Variants in PRCD observed in about 807,000 individuals in gnomAD.
PRCD encodes photoreceptor disk component PRCD.
PRCD carries 12 observed loss-of-function variants against 10.1 expected under a neutral mutation model. The observed-to-expected ratio is 1.18, with a 90% confidence interval of 0.76 to 1.92. The LOEUF (loss-of-function observed/expected upper bound fraction) is 1.92, where lower values mean the gene tolerates loss of function less well. Ranked by LOEUF, PRCD falls within the 40% of genes most tolerant of loss-of-function variation. The pLI is 0.00. For synonymous variants in PRCD, 31 were observed against 26.2 expected (o/e 1.18, Z -0.56); for missense variants, 61 against 72.2 (o/e 0.84, Z 0.56).
upstream of PRCD, chr17:76,537,683 G>T: frequency 2.7e-6 from 2 of 751,982 alleles, no homozygotes; most frequent in Non-Finnish European, 3.2e-6. Flanking sequence ...GAGGGAGCGT[G>T]TGTCTGTGCG....
At position 76,531,778 on chromosome 17, in the gene PRCD, G is replaced by A. The variant is rs1001193039; in HGVS notation, n.45+3945G>A. On this transcript the variant is annotated intron_variant and non_coding_transcript_variant, in intron 1 of 4. Transcript: ENST00000397633. The surrounding 1 kb of genome is among the most constrained non-coding windows in gnomAD (Gnocchi z 7.4). ...TTCCAGGATAGTGGGGGCTGAAGAA[G>A]TGGACCGCAGTGCTCCCCACCCCCG... 5.5e-5 allele frequency: 59 copies of A among 1,078,174 alleles called. No individual in the cohort carries two copies. In the South Asian group the frequency reaches 8.9e-4, roughly 16 times the overall value. The allele number at this position is 1,078,174 out of a possible 1,614,324, so 66.8% of individuals were successfully genotyped here.
At chr17:76,546,765 T>C (rs1442649474), downstream of PRCD, 5 of 152,222 alleles carry the variant, frequency 3.3e-5, no homozygotes, top group African/African-American at 9.7e-5. The surrounding 1 kb of genome is among the most constrained non-coding windows in gnomAD (Gnocchi z 4.5). Context: ...CTAACATGCA[T>C]TGGGCGCTTA....
Position 76,540,690 on chromosome 17 carries a change from C to A in PRCD, c.143+117C>A. The A allele has an allele frequency of 9.6e-7, 1 of 1,040,260 alleles. No homozygotes were observed. Among genetic ancestry groups the A allele is most frequent in the Non-Finnish European group, 1.5e-6 (1 of 681,478 alleles). 64.4% of individuals were successfully genotyped at this position (1,040,260 alleles called of 1,614,324 possible). A position where few individuals can be genotyped will look rare whatever the true frequency, so the allele number is the denominator to read the frequency against. ...GCCTGTGCGTGCACCGTATCCTGGC[C>A]CTTGCCCTAAGCACCCTGCTCCCTG... On this transcript the variant is annotated intron_variant, in intron 2 of 4. Coordinates refer to ENST00000592014, the MANE Select transcript of PRCD (RefSeq NM_001077620.3). The surrounding 1 kb of genome is among the most constrained non-coding windows in gnomAD (Gnocchi z 5.0).
At chr17:76,538,510 A>C (rs528381608), upstream of PRCD, 1,432 of 467,148 alleles carry the variant, frequency 3.1e-3, 3 homozygotes, top group Non-Finnish European at 5.0e-3. Context: ...ACGGACAGGC[A>C]AGAACCAGCC....
intron 1 of PRCD, among the ~76,000 whole-genome samples, chr17:76,532,620 C>T (rs1490737475): frequency 6.6e-6 from 1 of 151,638 alleles, no homozygotes; most frequent in African/African-American, 2.4e-5. Flanking sequence ...CAACCTCTGC[C>T]TCCTGGGTTC....
chr17:76,528,748 G>A lies in PRCD; in HGVS notation n.45+915G>A, dbSNP rs543166692. On this transcript the variant is annotated intron_variant and non_coding_transcript_variant, in intron 1 of 4. Coordinates refer to the PRCD transcript ENST00000397633. This position sits in a 1 kb window ranked among gnomAD's most constrained non-coding sequence, Gnocchi z 5.8. ...CGGCACAGTGCAGTTGAAAGCAACC[G>A]TGAGACCCAAGTTCTAGTCTCCGTC... The A allele has an allele frequency of 8.0e-5, 83 of 1,037,198 alleles. No individual in the cohort carries two copies. The highest frequency in any genetic ancestry group is 2.1e-4 in the Admixed American group (5 of 23,462). The allele number at this position is 1,037,198 out of a possible 1,614,324, so 64.2% of individuals were successfully genotyped here.
chr17:76,537,282 G>T, upstream of PRCD: 1 of 1,193,680 alleles, frequency 8.4e-7, no homozygotes, highest in Non-Finnish European at 1.1e-6. Flanking sequence ...ACCTCGGACC[G>T]GCCCCATTCG....
chr17:76,548,156 C>T (rs56024043), downstream of PRCD, among the ~76,000 whole-genome samples: 50,938 of 151,916 alleles, frequency 0.34, 10,572 homozygotes, highest in African/African-American at 0.59. Context: ...TACACATTCA[C>T]ACATACACAC....
intron 1 of PRCD, chr17:76,529,044 G>GCCCCCCCCCCCC (rs34648121): frequency 1.3e-6 from 1 of 779,744 alleles, no homozygotes; most frequent in African/African-American, 2.3e-5. Context: ...CAGTCATTGC[G>GCCCCCCCCCCCC]CCCCCCCCCC....
upstream of PRCD, among the ~76,000 whole-genome samples, chr17:76,536,742 T>C (rs758006708): frequency 1.1e-4 from 16 of 152,030 alleles, no homozygotes; most frequent in Non-Finnish European, 1.5e-4. Context: ...TCCTGAAGCT[T>C]CTCTCTTCTT....
chr17:76,529,041 T>TGGGGGG, intron 1 of PRCD: 2 of 834,206 alleles, frequency 2.4e-6, no homozygotes, highest in Non-Finnish European at 2.7e-6. Context: ...CTGCAGTCAT[T>TGGGGGG]GCGCCCCCCC....
At chr17:76,542,427 C>T (rs2075002501) in intron 2 of PRCD, 126 bp from the exon 3 acceptor site, 1 of 1,095,118 alleles carries the variant, frequency 9.1e-7, no homozygotes. Context: ...CAACTGATTC[C>T]TTAGGTGGTC....
downstream of PRCD, chr17:76,545,444 G>A (rs2075045261): frequency 2.2e-6 from 1 of 451,292 alleles, no homozygotes; most frequent in Non-Finnish European, 4.5e-6. Flanking sequence ...ATGGGAGCAG[G>A]AGTGCTCAGG....
In PRCD at chr17:76,543,060, G is replaced by A. The variant is rs754238529; in HGVS notation, c.*91G>A. On this transcript the variant is annotated 3_prime_UTR_variant, in exon 4 of 5. Transcript: ENST00000592014. ...TCCTGGTTCGTCCCCTAGCCCAGGAGGATGCTGTGGGAGCTGCAGCAGCGG... is the reference window on the plus strand; with the variant it reads ...TCCTGGTTCGTCCCCTAGCCCAGGAAGATGCTGTGGGAGCTGCAGCAGCGG... 2.1e-6 allele frequency: 1 copy of A among 472,140 alleles called. No individual in the cohort carries two copies. Among genetic ancestry groups the A allele is most frequent in the Admixed American group, 2.3e-5 (1 of 42,610 alleles). The allele number at this position is 472,140 out of a possible 1,614,324, so 29.2% of individuals were successfully genotyped here. A position where few individuals can be genotyped will look rare whatever the true frequency, so the allele number is the denominator to read the frequency against.
In PRCD at chr17:76,545,373, T is replaced by C. The variant is rs1291374310; in HGVS notation, c.*1723T>C. 4.4e-6 allele frequency: 2 copies of C among 456,568 alleles called. No homozygotes were observed. The highest frequency in any genetic ancestry group is 2.3e-5 in the Admixed American group (1 of 42,560). 28.3% of individuals were successfully genotyped at this position (456,568 alleles called of 1,614,324 possible). A position where few individuals can be genotyped will look rare whatever the true frequency, so the allele number is the denominator to read the frequency against. ...GGGAATTAAATCCTGACTATGACAC[T>C]GTCCCCACTGAGGCTGAGTCCTTTT... On this transcript the variant is annotated 3_prime_UTR_variant, in exon 5 of 5. Coordinates refer to ENST00000592014, the MANE Select transcript of PRCD (RefSeq NM_001077620.3).
rs574031274 is a variant in PRCD, at chr17:76,529,074, G to A, written n.45+1241G>A. ...CCCCCCACCCCCCACCCACGCAAAG[G>A]CGCACACCCTGGAGCAGAGACGGCT... On this transcript the variant is annotated intron_variant and non_coding_transcript_variant, in intron 1 of 4. Transcript: ENST00000397633. 562 of 943,576 alleles carry A rather than the reference G, an allele frequency of 6.0e-4. No homozygotes were observed. The African/African-American group carries it at 0.01, about 17-fold the overall frequency. 58.5% of individuals were successfully genotyped at this position (943,576 alleles called of 1,614,324 possible).
Position 76,542,944 on chromosome 17 carries a change from G to A in PRCD, c.*60-85G>A, listed in dbSNP as rs549742285. ...GTCGGAGGACGCCCAAGGGAGAGGC[G>A]GTGCTCGGAAACATCCACTCTGAAA... On this transcript the variant is annotated intron_variant, in intron 3 of 4. Transcript: ENST00000592014. 3.0e-5 allele frequency: 16 copies of A among 529,794 alleles called. No homozygotes were observed. In the East Asian group the frequency reaches 6.7e-4, roughly 22 times the overall value. 32.8% of individuals were successfully genotyped at this position (529,794 alleles called of 1,614,324 possible).
At chr17:76,535,467 G>A (rs556340665), upstream of PRCD, among the ~76,000 whole-genome samples, 1 of 152,306 alleles carries the variant, frequency 6.6e-6, no homozygotes, top group African/African-American at 2.4e-5. Flanking sequence ...GACAGGAGGA[G>A]AGAAAAAGGA....
upstream of PRCD, chr17:76,537,710 G>T: frequency 6.6e-6 from 3 of 452,164 alleles, no homozygotes; most frequent in Non-Finnish European, 8.7e-6. Flanking sequence ...GTGTGTGTGT[G>T]TGTGTGCGTG....
Sources: gnomAD v4.1 joint callset for allele counts (sites outside exome capture counted in the v4.1 genomes callset) on GRCh38, gnomAD v4.1.1 for gene constraint, Gnocchi (gnomAD v3.1) non-coding constraint, MANE v1.5 for transcripts, NCBI Gene and HGNC (gene_info 2026-07-23, HGNC 2026-07-21) for gene names.